The following ZBTB20 variants were observed in gnomAD, a reference collection of about 807,000 sequenced individuals.
ZBTB20 encodes zinc finger and BTB domain containing 20.
A neutral mutation model predicts 56.9 loss-of-function variants in ZBTB20; 9 were observed. That is an observed-to-expected ratio of 0.16 (90% CI 0.10 to 0.28). The LOEUF is 0.28. Ranked by LOEUF, ZBTB20 falls within the 10% of genes least tolerant of loss-of-function variation. The pLI is 1.00. For synonymous variants in ZBTB20, 417 were observed against 420.7 expected (o/e 0.99, Z 0.11); for missense variants, 655 against 1,003.0 (o/e 0.65, Z 4.69).
chr3:114,765,204 T>C (rs1302906477), intron 5 of ZBTB20, among the ~76,000 whole-genome samples: 1 of 152,188 alleles, frequency 6.6e-6, no homozygotes, highest in African/African-American at 2.4e-5. Context: ...TTCATAATTA[T>C]TATGGGTTTA....
chr3:114,541,450 T>C (rs2049100248), intron 6 of ZBTB20, among the ~76,000 whole-genome samples: 1 of 152,166 alleles, frequency 6.6e-6, no homozygotes, highest in Admixed American at 6.6e-5. Flanking sequence ...GGATACCTAG[T>C]TTTACATAAT....
At chr3:114,664,644 G>A (rs1271547181) in intron 6 of ZBTB20, among the ~76,000 whole-genome samples, 3 of 151,614 alleles carry the variant, frequency 2.0e-5, no homozygotes, top group Non-Finnish European at 4.4e-5. Context: ...AGCCTAGGCC[G>A]ATATCTACTG....
At chr3:115,082,911 TTACTC>T (rs1207975194) in intron 1 of ZBTB20, among the ~76,000 whole-genome samples, 1 of 152,038 alleles carries the variant, frequency 6.6e-6, no homozygotes, top group Non-Finnish European at 1.5e-5. Flanking sequence ...AATATAAACT[TTACTC>T]TGACCATAAG....
Position 114,320,675 on chromosome 3 carries a change from T to C in ZBTB20, c.*18330A>G, listed in dbSNP as rs374860499. ...TTTAAAATGAACAAATTTGTTTTTA[T>C]ATTTTTGGTCTACAGTAGAATTACA... On this transcript the variant is annotated 3_prime_UTR_variant, in exon 12 of 12. Coordinates refer to ENST00000675478, the MANE Select transcript of ZBTB20 (RefSeq NM_001348800.3). 1 of 152,188 alleles carries C rather than the reference T, an allele frequency of 6.6e-6. No homozygotes were observed. The highest frequency in any genetic ancestry group is 6.5e-5 in the Admixed American group (1 of 15,286). 9.4% of individuals were successfully genotyped at this position (152,188 alleles called of 1,614,324 possible). A position where few individuals can be genotyped will look rare whatever the true frequency, so the allele number is the denominator to read the frequency against.
intron 5 of ZBTB20, among the ~76,000 whole-genome samples, chr3:114,748,323 T>TTTC (rs1560201946): frequency 6.4e-5 from 8 of 124,848 alleles, no homozygotes; most frequent in Non-Finnish European, 1.0e-4. Context: ...TCTTTCTTTC[T>TTTC]TTCTTTCTTT....
chr3:115,003,582 C>T lies in ZBTB20; in HGVS notation c.-506-29166G>A, dbSNP rs191075538. On this transcript the variant is annotated intron_variant, in intron 2 of 11. Transcript: ENST00000675478. ...TGGTGATATGAGCCTATAATCCCAG[C>T]AACTTGGGAGGCTGAGGTGGGAAAA... Among the ~76,000 whole-genome samples the T allele has an allele frequency of 4.0e-5, 6 of 151,718 alleles. No homozygotes were observed. The East Asian group carries it at 1.2e-3, about 30-fold the overall frequency.
At chr3:114,764,562 A>G (rs759008692) in intron 5 of ZBTB20, among the ~76,000 whole-genome samples, 134 of 152,298 alleles carry the variant, frequency 8.8e-4, no homozygotes, top group Non-Finnish European at 1.6e-3. Context: ...ATTCTGCTCT[A>G]GTATTATGTT....
chr3:114,965,381 T>C (rs573968451), intron 3 of ZBTB20, among the ~76,000 whole-genome samples: 1 of 152,250 alleles, frequency 6.6e-6, no homozygotes, highest in South Asian at 2.1e-4. Context: ...GTACAACATA[T>C]CTCTTCAACT....
At chr3:114,931,374 T>TAAACCACA (rs934495788) in intron 3 of ZBTB20, 5 of 242,224 alleles carry the variant, frequency 2.1e-5, no homozygotes, top group African/African-American at 1.2e-4. Flanking sequence ...CAGAAAACCC[T>TAAACCACA]AAACCACAAC....
At chr3:114,967,728 G>A (rs904272018) in intron 3 of ZBTB20, among the ~76,000 whole-genome samples, 2 of 152,200 alleles carry the variant, frequency 1.3e-5, no homozygotes, top group African/African-American at 4.8e-5. Flanking sequence ...AGGCCGAAGC[G>A]GGTGGATCAC....
At chr3:114,611,094 GA>G (rs964709722) in intron 6 of ZBTB20, among the ~76,000 whole-genome samples, 1 of 152,126 alleles carries the variant, frequency 6.6e-6, no homozygotes, top group African/African-American at 2.4e-5. Flanking sequence ...GGATCTCTGG[GA>G]CTATCTCAAG....
chr3:114,473,645 A>G (rs1192240321), intron 7 of ZBTB20, among the ~76,000 whole-genome samples: 28 of 152,056 alleles, frequency 1.8e-4, no homozygotes, highest in Non-Finnish European at 7.4e-5. Context: ...GCCTGGGGCA[A>G]CATGGTGAGA....
At chr3:114,431,284 C>G (rs2090100178) in intron 7 of ZBTB20, among the ~76,000 whole-genome samples, 1 of 152,110 alleles carries the variant, frequency 6.6e-6, no homozygotes, top group African/African-American at 2.4e-5. Flanking sequence ...TGAAGAGTCT[C>G]TATCAGCTCC....
chr3:114,697,856 C>A (rs1190780276), intron 5 of ZBTB20, among the ~76,000 whole-genome samples: 3 of 152,042 alleles, frequency 2.0e-5, no homozygotes, highest in African/African-American at 7.2e-5. Context: ...GGAATAGGTT[C>A]ATTTTTATTC....
At chr3:114,795,952 A>T (rs565981929) in intron 5 of ZBTB20, among the ~76,000 whole-genome samples, 89 of 152,218 alleles carry the variant, frequency 5.8e-4, no homozygotes, top group Non-Finnish European at 8.5e-4. Flanking sequence ...AGGCATACAC[A>T]TAAAGTGCTA....
intron 8 of ZBTB20, among the ~76,000 whole-genome samples, chr3:114,381,668 T>C (rs571667205): frequency 1.1e-3 from 169 of 152,376 alleles, no homozygotes; most frequent in Non-Finnish European, 2.2e-3. Context: ...CATGGTAATG[T>C]ACTTGTTATG....
intron 5 of ZBTB20, among the ~76,000 whole-genome samples, chr3:114,788,261 T>C (rs1412133250): frequency 6.6e-6 from 1 of 152,174 alleles, no homozygotes; most frequent in African/African-American, 2.4e-5. Context: ...TGGCATTATG[T>C]ATACTCACAC....
chr3:114,980,691 A>G (rs1003958057), intron 2 of ZBTB20, among the ~76,000 whole-genome samples: 5 of 151,940 alleles, frequency 3.3e-5, no homozygotes, highest in Non-Finnish European at 5.9e-5. Flanking sequence ...AGAAATGTAT[A>G]ATTATGAAAC....
intron 3 of ZBTB20, among the ~76,000 whole-genome samples, chr3:114,940,366 AAG>A (rs1167789868): frequency 1.5e-5 from 2 of 136,572 alleles, no homozygotes; most frequent in African/African-American, 6.7e-5. Context: ...TAAACTAAGA[AAG>A]GAGGAATTAT....
Sources: gnomAD v4.1 joint callset for allele counts (sites outside exome capture counted in the v4.1 genomes callset) on GRCh38, gnomAD v4.1.1 for gene constraint, MANE v1.5 for transcripts, NCBI Gene and HGNC (gene_info 2026-07-23, HGNC 2026-07-21) for gene names.